The following PARP3 variants were observed in gnomAD, a reference collection of about 807,000 sequenced individuals.
PARP3 encodes protein mono-ADP-ribosyltransferase PARP3.
A neutral mutation model predicts 58.2 loss-of-function variants in PARP3; 46 were observed. The ratio of observed to expected loss-of-function variants is 0.79; its 90% CI spans 0.62 to 1.01. The LOEUF (loss-of-function observed/expected upper bound fraction) is 1.01. Among genes scored for constraint, PARP3 ranks in the 50% least tolerant of loss-of-function variants. The pLI is 0.00. For synonymous variants in PARP3, 252 were observed against 266.4 expected (o/e 0.95, Z 0.53); for missense variants, 663 against 683.9 (o/e 0.97, Z 0.34).
intron 1 of PARP3, chr3:51,943,108 G>C: frequency 8.4e-7 from 1 of 1,190,848 alleles, no homozygotes; most frequent in East Asian, 2.7e-5. Context: ...AGACTGGACA[G>C]AGTCCTAACC....
chr3:51,944,225 C>A lies in PARP3; in HGVS notation c.312+8C>A, dbSNP rs780522320. 5.6e-6 allele frequency: 9 copies of A among 1,613,892 alleles called. No individual in the cohort carries two copies. Among genetic ancestry groups the A allele is most frequent in the Non-Finnish European group, 6.8e-6 (8 of 1,179,924 alleles). On this transcript the variant is annotated splice_region_variant and intron_variant, in intron 3 of 10. Coordinates refer to ENST00000398755, the MANE Select transcript of PARP3 (RefSeq NM_001003931.4). This position sits in a 1 kb window ranked among gnomAD's most constrained non-coding sequence, Gnocchi z 4.2. ...AACCGCTGGGGCCGTGTGGTGAGTG[C>A]CCTGCCTGCTCTGCACATACTCCCC...
rs1577662028 is a variant in PARP3 at position 51,948,513 on chromosome 3, C to T, written c.*33C>T. ...CCCTGTCCCCCGGGGTCCTGCAAGG[C>T]TGGACTGTGATCTTCAATCATCCTG... On this transcript the variant is annotated 3_prime_UTR_variant, in exon 11 of 11. Transcript: ENST00000398755. 6.2e-7 allele frequency: 1 copy of T among 1,602,502 alleles called. No homozygotes were observed. The highest frequency in any genetic ancestry group is 1.1e-5 in the South Asian group (1 of 90,262).
At position 51,942,499 on chromosome 3, in the gene PARP3, A is replaced by G; in HGVS notation, c.-212A>G. On this transcript the variant is annotated 5_prime_UTR_variant, in exon 1 of 11. Transcript: ENST00000398755. ...CTGGTCGCCTGACTCGGCCTGCCCC[A>G]GCCTCTGCTTCACCCCACTGGTGGC... The G allele has an allele frequency of 4.5e-6, 3 of 672,874 alleles. No individual in the cohort carries two copies. The highest frequency in any genetic ancestry group is 8.2e-6 in the Non-Finnish European group (3 of 363,876). The allele number at this position is 672,874 out of a possible 1,614,324, so 41.7% of individuals were successfully genotyped here.
chr3:51,943,593 C>T, intron 2 of PARP3, 55 bp downstream of exon 2: 1 of 1,480,872 alleles, frequency 6.8e-7, no homozygotes, highest in South Asian at 1.2e-5. Flanking sequence ...AGCACAAACA[C>T]ACCCAGGCCA....
rs763703635 is a variant in PARP3, at chr3:51,945,023, G to T, written c.660G>T (p.Lys220Asn). ...ATGTGAAGAAGATGCCCCTGGGAAA[G>T]CTGAGCAAGCAACAGATTGCACGGG... ...DLDVKKMPLG[K>N]LSKQQIARGF... Residue 220 changes from lysine to asparagine, a missense_variant, in exon 6 of 11, where the codon AAG becomes AAT. Coordinates refer to ENST00000398755, the MANE Select transcript of PARP3 (RefSeq NM_001003931.4). 2.5e-6 allele frequency: 4 copies of T among 1,613,948 alleles called. No homozygotes were observed. In the African/African-American group the frequency reaches 5.3e-5, roughly 22 times the overall value.
Position 51,948,496 on chromosome 3 carries a change from C to G in PARP3, c.*16C>G. ...CCACCTCTGAGTGCCCGCCCTGTCC[C>G]CCGGGGTCCTGCAAGGCTGGACTGT... On this transcript the variant is annotated 3_prime_UTR_variant, in exon 11 of 11. Coordinates refer to ENST00000398755, the MANE Select transcript of PARP3 (RefSeq NM_001003931.4). 5 of 1,612,516 alleles carry G rather than the reference C, an allele frequency of 3.1e-6. No individual in the cohort carries two copies. The highest frequency in any genetic ancestry group is 4.2e-6 in the Non-Finnish European group (5 of 1,178,906).
At chr3:51,945,713 G>A (rs1173826416) in intron 7 of PARP3, 69 bp downstream of exon 7, 9 of 1,571,262 alleles carry the variant, frequency 5.7e-6, no homozygotes, top group Non-Finnish European at 7.9e-6. Flanking sequence ...TGCCCTCGAG[G>A]TGCCCAGAGG....
At position 51,943,464 on chromosome 3, in the gene PARP3, A is replaced by C. The variant is rs368760022; in HGVS notation, c.109A>C (p.Lys37Gln). Reference sequence around the variant, plus strand: ...CTTCCGCTCCACCGCTGAGGCCCTCAAGGCCATACCCGCAGAGAAGCGCAT... The same window carrying C: ...CTTCCGCTCCACCGCTGAGGCCCTCCAGGCCATACCCGCAGAGAAGCGCAT... ...DPFRSTAEAL[K>Q]AIPAEKRIIR... Residue 37 changes from lysine to glutamine, a missense_variant, in exon 2 of 11, where the codon AAG (lysine) becomes CAG (glutamine). Physicochemically the swap from Lys to Gln is moderately conservative, Grantham distance 53. This residue lies in a region of PARP3 where 567 missense variants were observed against 553.6 expected (regional missense o/e 1.02). Transcript: ENST00000398755. 23 of 1,610,338 alleles carry C rather than the reference A, an allele frequency of 1.4e-5. No individual in the cohort carries two copies. In the South Asian group the frequency reaches 2.4e-4, roughly 17 times the overall value.
chr3:51,945,431 G>A (rs1699652988), intron 6 of PARP3, 64 bp from the exon 7 acceptor site: 18 of 1,563,552 alleles, frequency 1.2e-5, no homozygotes, highest in Non-Finnish European at 1.6e-5. Context: ...CCAGTCATGT[G>A]AGAGAGGAGA....
Position 51,946,324 on chromosome 3 carries a change from C to G in PARP3, c.1257C>G (p.Asn419Lys). 7.5e-6 allele frequency: 12 copies of G among 1,608,324 alleles called. No homozygotes were observed. The highest frequency in any genetic ancestry group is 1.1e-5 in the South Asian group (1 of 90,082). ...VGKGIYFASE[N>K]SKSAGYVIGM... The stretch of plus-strand genomic sequence containing the variant: ...AGGGCATCTACTTTGCCTCAGAGAA[C>G]AGCAAGTCAGCTGGATATGGTGAGG... Residue 419 changes from asparagine to lysine, a missense_variant, in exon 9 of 11, where the codon AAC becomes AAG. By Grantham distance (94) the Asn-to-Lys change is moderately conservative (BLOSUM62 0). This residue lies in a region of PARP3 where 567 missense variants were observed against 553.6 expected (regional missense o/e 1.02). Transcript: ENST00000398755. The surrounding 1 kb of genome is among the most constrained non-coding windows in gnomAD (Gnocchi z 4.6).
chr3:51,944,398 C>G lies in PARP3; in HGVS notation c.321C>G (p.Val107=). Residue 107 remains valine (V), a synonymous_variant, in exon 4 of 11, where the codon GTC becomes GTG. Transcript: ENST00000398755. The surrounding 1 kb of genome is among the most constrained non-coding windows in gnomAD (Gnocchi z 4.2). The part of the protein sequence containing the change: ...CWNRWGRVGE[V]GQSKINHFTR... ...AAGGCTGTCGGTTGCAGGGAGAGGT[C>G]GGCCAGTCAAAGATCAACCACTTCA... The G allele has an allele frequency of 6.2e-7, 1 of 1,613,636 alleles. No homozygotes were observed. Among genetic ancestry groups the G allele is most frequent in the Non-Finnish European group, 8.5e-7 (1 of 1,179,990 alleles).
Position 51,942,638 on chromosome 3 carries a change from C to T in PARP3, c.-73C>T. ...TCATGGAGAGTTGCTAGACCTGGGACTGCCCTGGGAGGCGCACACAACCAG... is the reference window on the plus strand; with the variant it reads ...TCATGGAGAGTTGCTAGACCTGGGATTGCCCTGGGAGGCGCACACAACCAG... On this transcript the variant is annotated 5_prime_UTR_variant, in exon 1 of 11. Transcript: ENST00000398755. 2 of 1,023,824 alleles carry T rather than the reference C, an allele frequency of 2.0e-6. No homozygotes were observed. The highest frequency in any genetic ancestry group is 3.0e-6 in the Non-Finnish European group (2 of 662,430). 63.4% of individuals were successfully genotyped at this position (1,023,824 alleles called of 1,614,324 possible).
intron 2 of PARP3, 71 bp downstream of exon 2, chr3:51,943,609 T>G: frequency 7.1e-7 from 1 of 1,416,746 alleles, no homozygotes; most frequent in East Asian, 2.5e-5. Flanking sequence ...GGCCACCCCC[T>G]TAGGACTCTG....
intron 9 of PARP3, chr3:51,947,479 C>G: frequency 2.0e-6 from 1 of 498,932 alleles, no homozygotes; most frequent in South Asian, 2.6e-5. Context: ...GGGAGAAAAG[C>G]CCCTGCCACG....
In PARP3 at chr3:51,946,235, G is replaced by A. The variant is rs376472160; in HGVS notation, c.1168G>A (p.Val390Met). 33 of 1,613,798 alleles carry A rather than the reference G, an allele frequency of 2.0e-5. No individual in the cohort carries two copies. Among genetic ancestry groups the A allele is most frequent in the East Asian group, 8.9e-5 (4 of 44,894 alleles). Residue 390 changes from valine (V) to methionine (M), a missense_variant, in exon 9 of 11, where the codon GTG (valine) becomes ATG (methionine). Val to Met is a conservative substitution (Grantham distance 21). Coordinates refer to ENST00000398755, the MANE Select transcript of PARP3 (RefSeq NM_001003931.4). The surrounding 1 kb of genome is among the most constrained non-coding windows in gnomAD (Gnocchi z 4.6). ...KLLWHGTNMA[V>M]VAAILTSGLR... Reference sequence around the variant, plus strand: ...GCTGTGGCATGGCACCAACATGGCCGTGGTGGCCGCCATCCTCACTAGTGG... The same window carrying A: ...GCTGTGGCATGGCACCAACATGGCCATGGTGGCCGCCATCCTCACTAGTGG...
chr3:51,943,508 A>T lies in PARP3; in HGVS notation c.153A>T (p.Thr51=), dbSNP rs754839816. ...AEKRIIRVDP[T]CPLSSNPGTQ... ...AGCGCATAATCCGCGTGGATCCAAC[A>T]TGTCCACTCAGCAGCAACCCCGGGA... The change falls in exon 2 of 11, where the codon ACA becomes ACT. Residue 51 remains threonine (T), a synonymous_variant. Coordinates refer to ENST00000398755, the MANE Select transcript of PARP3 (RefSeq NM_001003931.4). 1.9e-6 allele frequency: 3 copies of T among 1,610,930 alleles called. No individual in the cohort carries two copies. Among genetic ancestry groups the T allele is most frequent in the Non-Finnish European group, 2.5e-6 (3 of 1,179,076 alleles).
intron 9 of PARP3, chr3:51,947,496 G>C: frequency 1.9e-6 from 1 of 534,820 alleles, no homozygotes; most frequent in Non-Finnish European, 3.3e-6. Flanking sequence ...CACGGGTTTG[G>C]TCACTGGGAG....
chr3:51,942,927 T>A, intron 1 of PARP3: 1 of 1,410,650 alleles, frequency 7.1e-7, no homozygotes, highest in Non-Finnish European at 9.2e-7. Flanking sequence ...CCCTCCCCCA[T>A]AGCTCGGTGA....
rs76343500 is a variant in PARP3 at position 51,946,220 on chromosome 3, G to A, written c.1153G>A (p.Gly385Ser). ...KLGNRKLLWH[G>S]TNMAVVAAIL... ...GGGTAATCGGAAGCTGCTGTGGCAT[G>A]GCACCAACATGGCCGTGGTGGCCGC... The change falls in exon 9 of 11, where the codon GGC (glycine) becomes AGC (serine). Residue 385 changes from glycine (G) to serine (S), a missense_variant. Coordinates refer to ENST00000398755, the MANE Select transcript of PARP3 (RefSeq NM_001003931.4). This position sits in a 1 kb window ranked among gnomAD's most constrained non-coding sequence, Gnocchi z 4.6. 4,645 of 1,613,456 alleles carry A rather than the reference G, an allele frequency of 2.9e-3. 124 individuals carry two copies. The African/African-American group carries it at 0.054, about 19-fold the overall frequency.
Sources: allele counts gnomAD v4.1 joint callset, GRCh38; gene constraint gnomAD v4.1.1; regional missense constraint gnomAD v4.1.1; non-coding constraint Gnocchi (gnomAD v3.1); transcripts MANE v1.5; gene names NCBI Gene and HGNC (gene_info 2026-07-23, HGNC 2026-07-21).